Variants in LDB2 observed in about 807,000 individuals in gnomAD.
LDB2 encodes the protein LIM domain-binding protein 2.
A neutral mutation model predicts 44.3 loss-of-function variants in LDB2; 12 were observed. The observed-to-expected ratio is 0.27, with a 90% CI of 0.17 to 0.44. The LOEUF (loss-of-function observed/expected upper bound fraction) is 0.44. Among genes scored for constraint, LDB2 ranks in the 20% least tolerant of loss-of-function variants. The pLI is 1.00. For synonymous variants in LDB2, 164 were observed against 174.8 expected (o/e 0.94, Z 0.49); for missense variants, 344 against 473.5 (o/e 0.73, Z 2.54).
chr4:16,601,237 C>CT (rs1395815650), intron 2 of LDB2, among the ~76,000 whole-genome samples: 3 of 152,122 alleles, frequency 2.0e-5, no homozygotes, highest in African/African-American at 4.8e-5. Context: ...AGGTGGGACT[C>CT]TAAGCTCTTG....
At chr4:16,871,650 C>T (rs1244252568) in intron 1 of LDB2, among the ~76,000 whole-genome samples, 3 of 142,016 alleles carry the variant, frequency 2.1e-5, no homozygotes, top group African/African-American at 8.0e-5. Context: ...GACAGACTCT[C>T]GCTCTGTCAC....
chr4:16,812,170 A>T (rs75489977), intron 1 of LDB2, among the ~76,000 whole-genome samples: 1 of 152,154 alleles, frequency 6.6e-6, no homozygotes, highest in East Asian at 1.9e-4. Flanking sequence ...TCTGGAGACA[A>T]TGACTGACAC....
chr4:16,529,883 G>A (rs182464494), intron 5 of LDB2, among the ~76,000 whole-genome samples: 2,292 of 152,238 alleles, frequency 0.015, 61 homozygotes, highest in African/African-American at 0.053. Context: ...TGCCCATTCA[G>A]GCATTGAGTC....
chr4:16,880,022 T>C (rs1719596512), intron 1 of LDB2, among the ~76,000 whole-genome samples: 1 of 152,288 alleles, frequency 6.6e-6, no homozygotes, highest in Admixed American at 6.5e-5. Flanking sequence ...ACGTGTTTGC[T>C]TGATGGCATC....
chr4:16,823,763 T>A (rs891516627), intron 1 of LDB2, among the ~76,000 whole-genome samples: 1 of 152,214 alleles, frequency 6.6e-6, no homozygotes, highest in Admixed American at 6.5e-5. Flanking sequence ...CTTACCATCA[T>A]ATCATCACCC....
At chr4:16,632,508 T>C (rs1732257605) in intron 2 of LDB2, among the ~76,000 whole-genome samples, 2 of 152,196 alleles carry the variant, frequency 1.3e-5, no homozygotes, top group South Asian at 4.1e-4. Flanking sequence ...AGCATTCCTT[T>C]TGAAAACCAG....
rs117306020 is a variant in LDB2, at chr4:16,831,322, A to C, written c.132+67032T>G. On this transcript the variant is annotated intron_variant, in intron 1 of 7. Transcript: ENST00000304523. Reference sequence around the variant, plus strand: ...ACAGAGATAAAGTAAGAGGAAGAATAAGCCGGGTCACATAGATCTCACAGC... The same window carrying C: ...ACAGAGATAAAGTAAGAGGAAGAATCAGCCGGGTCACATAGATCTCACAGC... Among the ~76,000 whole-genome samples, 104 of 152,182 alleles carry C rather than the reference A, an allele frequency of 6.8e-4. 3 individuals carry two copies. The East Asian group carries it at 0.017, about 24-fold the overall frequency.
At chr4:16,881,571 G>A (rs569441397) in intron 1 of LDB2, among the ~76,000 whole-genome samples, 7 of 145,740 alleles carry the variant, frequency 4.8e-5, no homozygotes, top group African/African-American at 1.5e-4. Flanking sequence ...AAGTTCTCTC[G>A]ATACTGTCAT....
chr4:16,799,320 T>C (rs1278980476), intron 1 of LDB2, among the ~76,000 whole-genome samples: 5 of 152,236 alleles, frequency 3.3e-5, no homozygotes, highest in African/African-American at 1.2e-4. Context: ...ACATGGTGCC[T>C]GAGGCACCTG....
chr4:16,824,953 T>C (rs1379603953), intron 1 of LDB2, among the ~76,000 whole-genome samples: 1 of 152,208 alleles, frequency 6.6e-6, no homozygotes, highest in Non-Finnish European at 1.5e-5. Flanking sequence ...TCATACATGT[T>C]AATGGTACCT....
chr4:16,771,057 C>T (rs952163878), intron 1 of LDB2, among the ~76,000 whole-genome samples: 12 of 152,132 alleles, frequency 7.9e-5, no homozygotes, highest in African/African-American at 2.9e-4. Flanking sequence ...GGGAATGTTT[C>T]TGGAAAAGCT....
At chr4:16,546,297 G>T (rs866871780) in intron 5 of LDB2, among the ~76,000 whole-genome samples, 2 of 152,176 alleles carry the variant, frequency 1.3e-5, no homozygotes, top group Non-Finnish European at 2.9e-5. Context: ...GTTTGAAGGC[G>T]CAATTAAAAC....
At chr4:16,531,851 A>AT (rs945597188) in intron 5 of LDB2, among the ~76,000 whole-genome samples, 1 of 152,070 alleles carries the variant, frequency 6.6e-6, no homozygotes, top group African/African-American at 2.4e-5. Context: ...AAAGTAATAT[A>AT]TTTTTTCCAG....
rs576547930 is a variant in LDB2, at chr4:16,863,753, C to G, written c.132+34601G>C. Reference sequence around the variant, plus strand: ...TCGGCTCACTGCAAGCTCTGCCTCCCGGGTTCACGCCATTCTCCTGCCTCA... The same window carrying G: ...TCGGCTCACTGCAAGCTCTGCCTCCGGGGTTCACGCCATTCTCCTGCCTCA... On this transcript the variant is annotated intron_variant, in intron 1 of 7. Coordinates refer to ENST00000304523, the MANE Select transcript of LDB2 (RefSeq NM_001290.5). Among the ~76,000 whole-genome samples the G allele has an allele frequency of 2.0e-5, 3 of 151,150 alleles. No individual in the cohort carries two copies. In the East Asian group the frequency reaches 5.9e-4, roughly 30 times the overall value.
intron 1 of LDB2, among the ~76,000 whole-genome samples, chr4:16,806,649 T>C (rs965001786): frequency 6.6e-6 from 1 of 152,232 alleles, no homozygotes; most frequent in African/African-American, 2.4e-5. Flanking sequence ...AACATGTTTC[T>C]GATCTGAATC....
chr4:16,750,009 T>C (rs1765185791), intron 2 of LDB2, among the ~76,000 whole-genome samples: 1 of 152,212 alleles, frequency 6.6e-6, no homozygotes, highest in Non-Finnish European at 1.5e-5. Context: ...TTAATTCTAT[T>C]TTTGTCATAA....
At chr4:16,742,531 G>A in intron 2 of LDB2, among the ~76,000 whole-genome samples, 1 of 152,240 alleles carries the variant, frequency 6.6e-6, no homozygotes, top group East Asian at 1.9e-4. Flanking sequence ...CCCTAAGTTT[G>A]GAATTCTCTG....
At chr4:16,525,207 T>G (rs1478240709) in intron 5 of LDB2, among the ~76,000 whole-genome samples, 1 of 152,190 alleles carries the variant, frequency 6.6e-6, no homozygotes, top group Admixed American at 6.5e-5. Context: ...CTAAGGCTGC[T>G]GTTTGGGAGG....
chr4:16,545,108 T>A (rs1026210718), intron 5 of LDB2, among the ~76,000 whole-genome samples: 1 of 151,764 alleles, frequency 6.6e-6, no homozygotes, highest in Non-Finnish European at 1.5e-5. Context: ...ATCTGCCTGC[T>A]CTCCTTCCTC....
Sources: allele counts gnomAD v4.1 joint callset (sites outside exome capture counted in the v4.1 genomes callset), GRCh38; gene constraint gnomAD v4.1.1; transcripts MANE v1.5; gene names NCBI Gene and HGNC (gene_info 2026-07-23, HGNC 2026-07-21).